Variants in SPEF2 observed in about 807,000 individuals in gnomAD.
SPEF2 encodes sperm flagellar and cilia associated 2.
In SPEF2, 187 loss-of-function variants were observed where a neutral mutation model predicts 224.6. That is an observed-to-expected ratio of 0.83 (90% CI 0.74 to 0.94). The LOEUF is 0.94. Among genes scored for constraint, SPEF2 ranks in the 40% least tolerant of loss-of-function variants. The probability of loss-of-function intolerance (pLI) is 0.00; values close to 1 mark genes in which losing one functional copy is unlikely to be tolerated. For synonymous variants in SPEF2, 715 were observed against 707.3 expected (o/e 1.01, Z -0.17); for missense variants, 2,170 against 2,135.6 (o/e 1.02, Z -0.32).
intron 10 of SPEF2, among the ~76,000 whole-genome samples, chr5:35,672,981 C>G (rs1429412702): frequency 6.6e-6 from 1 of 152,168 alleles, no homozygotes; most frequent in Non-Finnish European, 1.5e-5. Flanking sequence ...CATGTCTTAA[C>G]TTTATTTCCT....
chr5:35,814,120 T>C (rs555417111), intron 36 of SPEF2, among the ~76,000 whole-genome samples: 1,989 of 152,296 alleles, frequency 0.013, 46 homozygotes, highest in African/African-American at 0.045. Flanking sequence ...GAATACTGGT[T>C]TTTTTGTTCA....
chr5:35,712,983 C>T lies in SPEF2; in HGVS notation c.2914+97C>T, dbSNP rs564027332. On this transcript the variant is annotated intron_variant, in intron 20 of 36. Transcript: ENST00000356031. ...GATTTGTATAGTAGTATACATTGACCACTTCTCTCAGGCATTTGTAAATCA... is the reference window on the plus strand; with the variant it reads ...GATTTGTATAGTAGTATACATTGACTACTTCTCTCAGGCATTTGTAAATCA... 3.0e-4 allele frequency: 321 copies of T among 1,060,560 alleles called. 1 individual carries two copies. The highest frequency in any genetic ancestry group is 8.0e-4 in the Admixed American group (33 of 41,216). The allele number at this position is 1,060,560 out of a possible 1,614,324, so 65.7% of individuals were successfully genotyped here.
intron 23 of SPEF2, 132 bp from the exon 24 acceptor site, chr5:35,753,492 A>G (rs1749990832): frequency 2.6e-6 from 3 of 1,165,336 alleles, no homozygotes; most frequent in Non-Finnish European, 3.7e-6. Flanking sequence ...CACATACAAT[A>G]CAGGAGTGCA....
rs751076744 is a variant in SPEF2 at position 35,700,479 on chromosome 5, G to T, written c.2142-17G>T. 5 of 1,602,178 alleles carry T rather than the reference G, an allele frequency of 3.1e-6. No individual in the cohort carries two copies. In the Admixed American group the frequency reaches 8.5e-5, roughly 27 times the overall value. Reference sequence around the variant, plus strand: ...GTGTCTAACAAAATATTCATGAGTTGTCCTGTTTCAATTTAGTGAGATACC... The same window carrying T: ...GTGTCTAACAAAATATTCATGAGTTTTCCTGTTTCAATTTAGTGAGATACC... On this transcript the variant is annotated splice_polypyrimidine_tract_variant and intron_variant, in intron 15 of 36. Coordinates refer to ENST00000356031, the MANE Select transcript of SPEF2 (RefSeq NM_024867.4).
chr5:35,808,454 G>C (rs1316109249), intron 36 of SPEF2, among the ~76,000 whole-genome samples: 1 of 151,828 alleles, frequency 6.6e-6, no homozygotes, highest in Non-Finnish European at 1.5e-5. Flanking sequence ...TTGTGTCCAA[G>C]GGTTCTCATT....
At chr5:35,620,578 G>A (rs1037343040) in intron 1 of SPEF2, among the ~76,000 whole-genome samples, 2 of 152,092 alleles carry the variant, frequency 1.3e-5, no homozygotes, top group Admixed American at 6.6e-5. Context: ...GAACAAAGAC[G>A]TTTATTGCTA....
At chr5:35,704,952 A>C (rs895750207) in intron 17 of SPEF2, among the ~76,000 whole-genome samples, 4 of 152,122 alleles carry the variant, frequency 2.6e-5, no homozygotes, top group African/African-American at 9.6e-5. Context: ...TTCAGCACTC[A>C]TTAAGGAAAT....
rs371202961 is a variant in SPEF2, at chr5:35,625,787, A to T, written c.59-2673A>T. On this transcript the variant is annotated intron_variant, in intron 1 of 36. Coordinates refer to ENST00000356031, the MANE Select transcript of SPEF2 (RefSeq NM_024867.4). The stretch of plus-strand genomic sequence containing the variant: ...CACCCTGGGTGGCACATTGAGGGTC[A>T]TGGTGGCAACGAGAGCTTTGGGGTC... Among the ~76,000 whole-genome samples, 20 of 152,292 alleles carry T rather than the reference A, an allele frequency of 1.3e-4. 1 individual carries two copies. In the South Asian group the frequency reaches 3.9e-3, roughly 30 times the overall value.
chr5:35,653,802 C>A (rs138193307), intron 6 of SPEF2, among the ~76,000 whole-genome samples: 1 of 150,848 alleles, frequency 6.6e-6, no homozygotes, highest in Admixed American at 6.6e-5. Context: ...AAAAAATTAG[C>A]CGGGCGTGGT....
Position 35,691,023 on chromosome 5 carries a change from C to A in SPEF2, c.1525-14C>A. 6.3e-7 allele frequency: 1 copy of A among 1,591,296 alleles called. No individual in the cohort carries two copies. Among genetic ancestry groups the A allele is most frequent in the Non-Finnish European group, 8.6e-7 (1 of 1,164,930 alleles). On this transcript the variant is annotated splice_polypyrimidine_tract_variant and intron_variant, in intron 10 of 36. Transcript: ENST00000356031. ...TTCAGAATATTTCTGTTTATTTGAT[C>A]GTTATTTTTACAGAACATGGTTGGA... is the stretch of plus-strand genomic sequence containing the variant.
chr5:35,757,379 C>A (rs1750614951), intron 24 of SPEF2, among the ~76,000 whole-genome samples: 1 of 152,084 alleles, frequency 6.6e-6, no homozygotes, highest in South Asian at 2.1e-4. Context: ...TAAACCTAAT[C>A]ATTATTAAGT....
At chr5:35,798,046 C>T (rs1222152119) in intron 33 of SPEF2, among the ~76,000 whole-genome samples, 1 of 152,134 alleles carries the variant, frequency 6.6e-6, no homozygotes, top group Non-Finnish European at 1.5e-5. Flanking sequence ...ATCTTCAAAA[C>T]GCGTAAATCC....
At position 35,739,911 on chromosome 5, in the gene SPEF2, T is replaced by C. The variant is rs1747303921; in HGVS notation, c.3064-8T>C. The C allele has an allele frequency of 1.9e-6, 3 of 1,612,682 alleles. No homozygotes were observed. Among genetic ancestry groups the C allele is most frequent in the South Asian group, 2.2e-5 (2 of 90,658 alleles). ...AAGTAACAGTTTCTACACTTTACCA[T>C]TTAACAGGAAATGCCTTTGTTTTTA... On this transcript the variant is annotated splice_region_variant and splice_polypyrimidine_tract_variant and intron_variant, in intron 21 of 36. Coordinates refer to ENST00000356031, the MANE Select transcript of SPEF2 (RefSeq NM_024867.4).
intron 9 of SPEF2, 80 bp from the exon 10 acceptor site, chr5:35,669,979 A>G: frequency 7.0e-6 from 8 of 1,141,160 alleles, no homozygotes; most frequent in Non-Finnish European, 1.0e-5. Flanking sequence ...CTAATTACAT[A>G]AATATAATAA....
rs1395421626 is a variant in SPEF2, at chr5:35,779,241, C to G, written c.4342C>G (p.Pro1448Ala). ...CAATATAAAAGTCTTCCCAGATCCT[C>G]CCCCATCAATACGTCCTCCACCTGT... ...NGNIKVFPDPPPSIRPPPVEK... is the reference protein window; with the variant it reads ...NGNIKVFPDPAPSIRPPPVEK... The change falls in exon 30 of 37, where the codon CCC becomes GCC. Residue 1448 changes from proline to alanine, a missense_variant. Pro to Ala is a conservative substitution (Grantham distance 27). Coordinates refer to ENST00000356031, the MANE Select transcript of SPEF2 (RefSeq NM_024867.4). The G allele has an allele frequency of 1.2e-6, 2 of 1,613,876 alleles. No individual in the cohort carries two copies. The highest frequency in any genetic ancestry group is 1.1e-5 in the South Asian group (1 of 91,058).
intron 1 of SPEF2, among the ~76,000 whole-genome samples, chr5:35,624,097 C>T (rs1743881620): frequency 6.6e-6 from 1 of 152,208 alleles, no homozygotes; most frequent in Non-Finnish European, 1.5e-5. Flanking sequence ...TTCTGTGCTT[C>T]CTCCAGCTGG....
intron 17 of SPEF2, 106 bp from the exon 18 acceptor site, chr5:35,705,545 T>A: frequency 1.3e-6 from 1 of 747,356 alleles, no homozygotes; most frequent in Non-Finnish European, 2.1e-6. Context: ...GATACAATTA[T>A]ATTGGCAGCC....
At chr5:35,713,529 A>G (rs1741643379) in intron 20 of SPEF2, among the ~76,000 whole-genome samples, 1 of 151,326 alleles carries the variant, frequency 6.6e-6, no homozygotes. Context: ...AGGTCAGGCG[A>G]TCAAGACCAT....
In SPEF2 at chr5:35,733,260, G is replaced by T. The variant is rs190848515; in HGVS notation, c.3063+5437G>T. Among the ~76,000 whole-genome samples the T allele has an allele frequency of 4.8e-3, 727 of 152,114 alleles. 5 individuals carry two copies. The highest frequency in any genetic ancestry group is 0.017 in the African/African-American group (690 of 41,496). ...CTCCTGAGTAGCCGGGACTACAGGC[G>T]CCCGCCACCACGCCCGACTAGTTTT... On this transcript the variant is annotated intron_variant, in intron 21 of 36. Coordinates refer to ENST00000356031, the MANE Select transcript of SPEF2 (RefSeq NM_024867.4).
Sources: allele counts gnomAD v4.1 joint callset (sites outside exome capture counted in the v4.1 genomes callset), GRCh38; gene constraint gnomAD v4.1.1; transcripts MANE v1.5; gene names NCBI Gene and HGNC (gene_info 2026-07-23, HGNC 2026-07-21).